Variants in PPRC1 observed in about 807,000 individuals in gnomAD.
PPRC1 encodes the protein peroxisome proliferator-activated receptor gamma coactivator-related protein 1.
In PPRC1, 23 loss-of-function variants were observed where a neutral mutation model predicts 132.5. The observed-to-expected ratio is 0.17, with a 90% CI of 0.12 to 0.25. PPRC1 has a LOEUF of 0.25. Among genes scored for constraint, PPRC1 ranks in the 10% least tolerant of loss-of-function variants. The pLI, the probability that PPRC1 is intolerant of heterozygous loss-of-function variation, is 1.00. For missense variants in PPRC1, 2,006 were observed against 2,089.1 expected, an observed-to-expected ratio of 0.96 and a Z score of 0.78; for synonymous variants, 872 against 833.5, an observed-to-expected ratio of 1.05 and a Z score of -0.80.
Position 102,137,310 on chromosome 10 carries a change from G to A in PPRC1, c.154-540G>A, listed in dbSNP as rs554973968. On this transcript the variant is annotated intron_variant, in intron 1 of 13. Coordinates refer to ENST00000278070, the MANE Select transcript of PPRC1 (RefSeq NM_015062.5). ...TCATGGGGATGGGGGTAGGGGGTGGGGTGTGATTACCAGAAAAGTTAATGC... is the reference window on the plus strand; with the variant it reads ...TCATGGGGATGGGGGTAGGGGGTGGAGTGTGATTACCAGAAAAGTTAATGC... Among the ~76,000 whole-genome samples the A allele has an allele frequency of 2.6e-5, 4 of 152,200 alleles. No individual in the cohort carries two copies. The South Asian group carries it at 8.3e-4, about 32-fold the overall frequency.
chr10:102,125,956 G>C, the PPRC1 span, among the ~76,000 whole-genome samples: 1 of 150,752 alleles, frequency 6.6e-6, no homozygotes, highest in African/African-American at 2.4e-5. Flanking sequence ...TCCGCCTCCC[G>C]GGTTCAAGCA....
At chr10:102,135,358 C>CTA (rs77613239) in intron 1 of PPRC1, among the ~76,000 whole-genome samples, 24 of 150,954 alleles carry the variant, frequency 1.6e-4, no homozygotes, top group South Asian at 4.2e-4. Flanking sequence ...CTTTTGTAAG[C>CTA]TATATATATA....
intron 7 of PPRC1, 101 bp downstream of exon 7, chr10:102,144,408 T>A: frequency 9.1e-7 from 1 of 1,104,268 alleles, no homozygotes; most frequent in Non-Finnish European, 1.3e-6. Flanking sequence ...AGGGACGCTG[T>A]AGTCAGCTCT....
chr10:102,132,592 G>A (rs2068564825), upstream of PPRC1, among the ~76,000 whole-genome samples: 1 of 152,260 alleles, frequency 6.6e-6, no homozygotes, highest in African/African-American at 2.4e-5. Flanking sequence ...CCGCAATATG[G>A]GATTAGGTGA....
upstream of PPRC1, chr10:102,132,958 C>T (rs142937498): frequency 3.3e-6 from 4 of 1,225,964 alleles, no homozygotes; most frequent in East Asian, 1.3e-4. Context: ...GCACGGCTCT[C>T]TGGGATTCGT....
chr10:102,127,019 T>TTTTATATATATATA, the PPRC1 span, among the ~76,000 whole-genome samples: 26 of 78,880 alleles, frequency 3.3e-4, 4 homozygotes, highest in African/African-American at 8.8e-4. Context: ...TGGTTTTTTA[T>TTTTATATATATATA]CATATATATA....
chr10:102,123,686 A>G, the PPRC1 span, among the ~76,000 whole-genome samples: 1 of 151,682 alleles, frequency 6.6e-6, no homozygotes, highest in African/African-American at 2.4e-5. Flanking sequence ...ACCTGCCACC[A>G]CGCCTGGCTA....
At chr10:102,132,957 T>C (rs955579531), upstream of PPRC1, 3 of 1,225,222 alleles carry the variant, frequency 2.4e-6, no homozygotes, top group Non-Finnish European at 3.1e-6. Flanking sequence ...CGCACGGCTC[T>C]CTGGGATTCG....
the PPRC1 span, among the ~76,000 whole-genome samples, chr10:102,127,068 T>TATATATAA: frequency 3.2e-4 from 24 of 74,142 alleles, 1 homozygote; most frequent in East Asian, 1.6e-3. Flanking sequence ...TATATATATA[T>TATATATAA]AAATTAAAAA....
upstream of PPRC1, among the ~76,000 whole-genome samples, chr10:102,131,339 G>A (rs199618041): frequency 6.6e-5 from 10 of 151,226 alleles, no homozygotes; most frequent in East Asian, 1.6e-3. Context: ...CTTGCTCACC[G>A]CACTCCACAC....
Position 102,140,385 on chromosome 10 carries a change from C to T in PPRC1, c.1877C>T (p.Pro626Leu), listed in dbSNP as rs1173912592. The T allele has an allele frequency of 4.3e-6, 7 of 1,614,198 alleles. No individual in the cohort carries two copies. The highest frequency in any genetic ancestry group is 1.6e-4 in the Middle Eastern group (1 of 6,062). Residue 626 changes from proline (P) to leucine (L), a missense_variant, in exon 5 of 14, where the codon CCG (proline) becomes CTG (leucine). Pro to Leu is a moderately conservative substitution (Grantham distance 98). Around this residue, in one of 2 missense-constraint regions of PPRC1, gnomAD observed 1,914 missense variants for 1,917.2 expected, o/e 1.00. Coordinates refer to ENST00000278070, the MANE Select transcript of PPRC1 (RefSeq NM_015062.5). ...STSSELVEPL[P>L]AEPVLINPVL... ...AGCTCAGAACTGGTTGAGCCTCTCC[C>T]GGCTGAGCCAGTGCTGATCAACCCA... is the stretch of plus-strand genomic sequence containing the variant.
chr10:102,123,816 G>A, the PPRC1 span, among the ~76,000 whole-genome samples: 2 of 146,372 alleles, frequency 1.4e-5, no homozygotes, highest in East Asian at 2.0e-4. Context: ...TTATAGGCGT[G>A]AGCCACCACG....
intron 3 of PPRC1, 40 bp downstream of exon 3, chr10:102,138,805 T>G (rs761580596): frequency 1.2e-6 from 2 of 1,613,676 alleles, no homozygotes; most frequent in Non-Finnish European, 1.7e-6. Context: ...GTACAAAGTT[T>G]AGACCCATGC....
chr10:102,145,002 C>A lies in PPRC1; in HGVS notation c.3609-18C>A. On this transcript the variant is annotated intron_variant, in intron 7 of 13. Coordinates refer to ENST00000278070, the MANE Select transcript of PPRC1 (RefSeq NM_015062.5). The stretch of plus-strand genomic sequence containing the variant: ...GAGAAGGCAATGAATCAGGCTTTCC[C>A]TTTTCCCCCCCCGCCAGCGGCGTTG... The A allele has an allele frequency of 1.4e-6, 2 of 1,467,022 alleles. No homozygotes were observed. The highest frequency in any genetic ancestry group is 2.3e-5 in the East Asian group (1 of 42,950). The allele number at this position is 1,467,022 out of a possible 1,614,324, so 90.9% of individuals were successfully genotyped here.
At position 102,133,067 on chromosome 10, in the gene PPRC1, A is replaced by G. The variant is rs902219417; in HGVS notation, c.-2A>G. 195 of 1,241,804 alleles carry G rather than the reference A, an allele frequency of 1.6e-4. No individual in the cohort carries two copies. Among genetic ancestry groups the G allele is most frequent in the Middle Eastern group, 5.8e-4 (2 of 3,432 alleles). The allele number at this position is 1,241,804 out of a possible 1,614,324, so 76.9% of individuals were successfully genotyped here. A position where few individuals can be genotyped will look rare whatever the true frequency, so the allele number is the denominator to read the frequency against. On this transcript the variant is annotated 5_prime_UTR_variant, in exon 1 of 14. Transcript: ENST00000278070. The stretch of plus-strand genomic sequence containing the variant: ...AGCAGCGCTGGGTGTTCAGGGGCCA[A>G]GATGGCGGCGCGCCGGGGACGGAGA...
At chr10:102,124,146 A>T in the PPRC1 span, among the ~76,000 whole-genome samples, 1 of 150,812 alleles carries the variant, frequency 6.6e-6, no homozygotes, top group Non-Finnish European at 1.5e-5. Flanking sequence ...GTTCACTGCA[A>T]CCGCCGCCTC....
At chr10:102,134,318 G>T (rs1475055855) in intron 1 of PPRC1, among the ~76,000 whole-genome samples, 1 of 152,088 alleles carries the variant, frequency 6.6e-6, no homozygotes, top group Non-Finnish European at 1.5e-5. Context: ...AGTTGGAGGC[G>T]GTTTGAGAAC....
chr10:102,134,581 G>A (rs1177671767), intron 1 of PPRC1, among the ~76,000 whole-genome samples: 1 of 152,152 alleles, frequency 6.6e-6, no homozygotes, highest in Non-Finnish European at 1.5e-5. Flanking sequence ...GTAATATCAG[G>A]TCCGGCAGAC....
In PPRC1 at chr10:102,138,682, G is replaced by A. The variant is rs767502641; in HGVS notation, c.406G>A (p.Asp136Asn). The A allele has an allele frequency of 6.2e-7, 1 of 1,614,184 alleles. No homozygotes were observed. Among genetic ancestry groups the A allele is most frequent in the Non-Finnish European group, 8.5e-7 (1 of 1,180,026 alleles). ...GCTCACGGCTCTGACGGAGATCTTGGACAATGCAGATTCTGAGAACCTTTC... is the reference window on the plus strand; with the variant it reads ...GCTCACGGCTCTGACGGAGATCTTGAACAATGCAGATTCTGAGAACCTTTC... ...SLLTALTEIL[D>N]NADSENLSPF... is the part of the protein sequence containing the mutation. Residue 136 changes from aspartate to asparagine, a missense_variant, in exon 3 of 14, where the codon GAC becomes AAC. Asp to Asn is a conservative substitution (Grantham distance 23). Around this residue, in one of 2 missense-constraint regions of PPRC1, gnomAD observed 1,914 missense variants for 1,917.2 expected, o/e 1.00. Transcript: ENST00000278070.
Sources: gnomAD v4.1 joint callset for allele counts (sites outside exome capture counted in the v4.1 genomes callset) on GRCh38, gnomAD v4.1.1 for gene constraint, gnomAD v4.1.1 regional missense constraint, MANE v1.5 for transcripts, NCBI Gene and HGNC (gene_info 2026-07-23, HGNC 2026-07-21) for gene names.